MYBL2: variants seen among roughly 807,000 people sequenced by gnomAD.
The protein encoded by MYBL2 is myb-related protein B.
Under a neutral mutation model 79.9 loss-of-function variants are expected in MYBL2, and 28 were observed. The ratio of observed to expected loss-of-function variants is 0.35; its 90% CI spans 0.26 to 0.48. The LOEUF is 0.48. Among genes scored for constraint, MYBL2 ranks in the 20% least tolerant of loss-of-function variants. The pLI is 0.99. For missense variants in MYBL2, 735 were observed against 893.9 expected (o/e 0.82, Z 2.27); for synonymous variants, 378 against 361.2 (o/e 1.05, Z -0.53).
At chr20:43,709,848 C>G (rs573509631) in intron 9 of MYBL2, 115 bp from the exon 10 acceptor site, 3 of 832,352 alleles carry the variant, frequency 3.6e-6, no homozygotes, top group African/African-American at 3.5e-5. Context: ...AGGGATGGGA[C>G]GAGAACCTGT....
intron 4 of MYBL2, among the ~76,000 whole-genome samples, chr20:43,685,829 G>C (rs879351819): frequency 2.6e-5 from 4 of 151,858 alleles, no homozygotes; most frequent in Non-Finnish European, 5.9e-5. Flanking sequence ...CCTGAGGTCG[G>C]GAGTTCAAGA....
At chr20:43,697,314 A>G (rs1299604354) in intron 6 of MYBL2, among the ~76,000 whole-genome samples, 1 of 152,198 alleles carries the variant, frequency 6.6e-6, no homozygotes, top group Non-Finnish European at 1.5e-5. Flanking sequence ...ATTGACAAAT[A>G]AATTGCATAT....
At position 43,697,254 on chromosome 20, in the gene MYBL2, T is replaced by C. The variant is rs1457034206; in HGVS notation, c.664-2503T>C. The stretch of plus-strand genomic sequence containing the variant: ...ATGCATTATCATGTTCTTATTTTGA[T>C]TGAATTACTTTGGAGTTGATCTTTT... On this transcript the variant is annotated intron_variant, in intron 6 of 13. Coordinates refer to ENST00000217026, the MANE Select transcript of MYBL2 (RefSeq NM_002466.4). Among the ~76,000 whole-genome samples the C allele has an allele frequency of 2.6e-5, 4 of 152,244 alleles. No individual in the cohort carries two copies. The East Asian group carries it at 7.7e-4, about 29-fold the overall frequency.
chr20:43,668,034 G>C (rs1176144729), intron 1 of MYBL2, among the ~76,000 whole-genome samples: 1 of 151,958 alleles, frequency 6.6e-6, no homozygotes, highest in African/African-American at 2.4e-5. Context: ...AAGTGGCAGA[G>C]CTGAGCCCGG....
chr20:43,698,482 A>G (rs1057408098), intron 6 of MYBL2, among the ~76,000 whole-genome samples: 2 of 139,470 alleles, frequency 1.4e-5, no homozygotes, highest in African/African-American at 5.5e-5. Flanking sequence ...GGTTCACACC[A>G]TTCTCCTGCC....
At position 43,699,810 on chromosome 20, in the gene MYBL2, A is replaced by G. The variant is rs765799408; in HGVS notation, c.717A>G (p.Glu239=). 7 of 1,614,190 alleles carry G rather than the reference A, an allele frequency of 4.3e-6. No homozygotes were observed. The African/African-American group carries it at 9.3e-5, about 22-fold the overall frequency. ...PSVPPTIKEE[E]NSEEELAAAT... is the part of the protein sequence containing the mutation. ...TCCCTCCTACCATAAAGGAGGAGGAAAACAGTGAGGAGGAACTTGCAGCAG... is the reference window on the plus strand; with the variant it reads ...TCCCTCCTACCATAAAGGAGGAGGAGAACAGTGAGGAGGAACTTGCAGCAG... The change falls in exon 7 of 14, where the codon GAA becomes GAG. Residue 239 remains glutamate (E), a synonymous_variant. Transcript: ENST00000217026.
intron 2 of MYBL2, among the ~76,000 whole-genome samples, chr20:43,677,711 C>T (rs1600543757): frequency 1.3e-5 from 2 of 150,926 alleles, no homozygotes; most frequent in East Asian, 3.9e-4. Context: ...TGGCCAGCCA[C>T]CCCGTCCGGG....
chr20:43,692,218 G>T lies in MYBL2; in HGVS notation c.562G>T (p.Gly188Cys), dbSNP rs781229138. The change falls in exon 6 of 14, where the codon GGC (glycine) becomes TGC (cysteine). Residue 188 changes from glycine (G) to cysteine (C), a missense_variant. By Grantham distance (159) the Gly-to-Cys change is radical (BLOSUM62 -3). Transcript: ENST00000217026. ...CATCAAAAGGAAGGTGGACACAGGA[G>T]GCTTCTTGAGCGAGTCCAAAGACTG... is the stretch of plus-strand genomic sequence containing the variant. ...STIKRKVDTG[G>C]FLSESKDCKP... The T allele has an allele frequency of 6.2e-7, 1 of 1,614,146 alleles. No individual in the cohort carries two copies. The highest frequency in any genetic ancestry group is 8.5e-7 in the Non-Finnish European group (1 of 1,180,032).
chr20:43,680,981 A>G (rs73907892), intron 2 of MYBL2, among the ~76,000 whole-genome samples: 2,465 of 152,092 alleles, frequency 0.016, 69 homozygotes, highest in African/African-American at 0.057. Context: ...TCAGACAACC[A>G]CTTTTTGTCC....
At chr20:43,693,584 A>G (rs2145722415) in intron 6 of MYBL2, among the ~76,000 whole-genome samples, 1 of 151,372 alleles carries the variant, frequency 6.6e-6, no homozygotes, top group East Asian at 2.0e-4. Context: ...TGATCCACCC[A>G]CCTGAGCCTC....
rs751032426 is a variant in MYBL2, at chr20:43,686,838, G to T, written c.280-14G>T. 14 of 1,612,696 alleles carry T rather than the reference G, an allele frequency of 8.7e-6. No individual in the cohort carries two copies. In the South Asian group the frequency reaches 1.5e-4, roughly 18 times the overall value. On this transcript the variant is annotated splice_polypyrimidine_tract_variant and intron_variant, in intron 4 of 13. Transcript: ENST00000217026. ...GGGCCGGTGCAAGTGGCTACCCAGA[G>T]ACTTTTCTCTAAGGTCATCGAGCTG...
At position 43,705,271 on chromosome 20, in the gene MYBL2, T is replaced by A. The variant is rs935627847; in HGVS notation, c.1418T>A (p.Leu473Gln). ...QDTLELESPS[L>Q]TSTPVCSQKV... ...ACATTGGAGCTGGAGAGCCCCTCGC[T>A]GACATCCACCCCAGTGTGCAGCCAG... Residue 473 changes from leucine to glutamine, a missense_variant, in exon 9 of 14, where the codon CTG becomes CAG. By Grantham distance (113) the Leu-to-Gln change is moderately radical. Around this residue, in one of 5 missense-constraint regions of MYBL2, gnomAD observed 243 missense variants for 327.2 expected, o/e 0.74. Coordinates refer to ENST00000217026, the MANE Select transcript of MYBL2 (RefSeq NM_002466.4). The A allele has an allele frequency of 1.2e-6, 2 of 1,614,116 alleles. No individual in the cohort carries two copies. The highest frequency in any genetic ancestry group is 1.7e-6 in the Non-Finnish European group (2 of 1,179,990).
At chr20:43,681,283 T>C (rs1220187937) in intron 2 of MYBL2, among the ~76,000 whole-genome samples, 1 of 152,268 alleles carries the variant, frequency 6.6e-6, no homozygotes, top group African/African-American at 2.4e-5. Context: ...TTTCCCACCC[T>C]GTAGCAGGCA....
In MYBL2 at chr20:43,715,271, G is replaced by A. The variant is rs764792065; in HGVS notation, c.1962G>A (p.Thr654=). The stretch of plus-strand genomic sequence containing the variant: ...CCCAGAAGCCCCGAAGCCACTTCAC[G>A]ACACCTGCCCCTGTGAGTGCTGTGG... ...AVAQKPRSHF[T]TPAPMSSAWK... Residue 654 remains threonine (T), a synonymous_variant, in exon 13 of 14, where the codon ACG becomes ACA. Transcript: ENST00000217026. 1.2e-6 allele frequency: 2 copies of A among 1,614,074 alleles called. No individual in the cohort carries two copies. Among genetic ancestry groups the A allele is most frequent in the Admixed American group, 1.7e-5 (1 of 60,010 alleles).
At chr20:43,709,248 G>T (rs1447013050) in intron 9 of MYBL2, among the ~76,000 whole-genome samples, 2 of 152,152 alleles carry the variant, frequency 1.3e-5, no homozygotes, top group Non-Finnish European at 2.9e-5. Flanking sequence ...GCACACAAGG[G>T]TTCGTGTTTG....
At chr20:43,714,917 C>G (rs1483593760) in intron 12 of MYBL2, among the ~76,000 whole-genome samples, 1 of 152,250 alleles carries the variant, frequency 6.6e-6, no homozygotes, top group Non-Finnish European at 1.5e-5. Context: ...GCGTGAGCCA[C>G]CGCTCCTGGC....
chr20:43,709,553 C>G (rs1468487916), intron 9 of MYBL2, among the ~76,000 whole-genome samples: 1 of 152,182 alleles, frequency 6.6e-6, no homozygotes, highest in African/African-American at 2.4e-5. Flanking sequence ...CCTCTCGCCC[C>G]TCCTTTCCCT....
chr20:43,705,318 C>T lies in MYBL2; in HGVS notation c.1465C>T (p.Leu489=), dbSNP rs17854821. 4.3e-6 allele frequency: 7 copies of T among 1,613,926 alleles called. No homozygotes were observed. Among genetic ancestry groups the T allele is most frequent in the Non-Finnish European group, 5.9e-6 (7 of 1,179,922 alleles). ...CCAGAAGGTGGTGGTCACCACACCA[C>T]TGCACCGGGACAAGACACCCCTGCA... ...CSQKVVVTTP[L]HRDKTPLHQK... is the part of the protein sequence containing the mutation. The change falls in exon 9 of 14, where the codon CTG becomes TTG. Residue 489 remains leucine, a synonymous_variant. Transcript: ENST00000217026.
chr20:43,696,455 A>T (rs1456052467), intron 6 of MYBL2, among the ~76,000 whole-genome samples: 1 of 58,714 alleles, frequency 1.7e-5, no homozygotes, highest in Non-Finnish European at 3.9e-5. Context: ...TCCTGACCTC[A>T]GGTGATCTGC....
Sources: allele counts gnomAD v4.1 joint callset (sites outside exome capture counted in the v4.1 genomes callset), GRCh38; gene constraint gnomAD v4.1.1; regional missense constraint gnomAD v4.1.1; transcripts MANE v1.5; gene names NCBI Gene and HGNC (gene_info 2026-07-23, HGNC 2026-07-21).